The following SEPTIN11 variants were observed in gnomAD, a reference collection of about 807,000 sequenced individuals.
The protein encoded by SEPTIN11 is septin-11.
Under a neutral mutation model 51.4 loss-of-function variants are expected in SEPTIN11, and 25 were observed. That is an observed-to-expected ratio of 0.49 (90% CI 0.35 to 0.68). SEPTIN11 has a LOEUF of 0.68. Ranked by LOEUF, SEPTIN11 falls within the 30% of genes least tolerant of loss-of-function variation. SEPTIN11 has a pLI of 0.00. For missense variants in SEPTIN11, 381 were observed against 520.8 expected, an observed-to-expected ratio of 0.73 and a Z score of 2.61; for synonymous variants, 174 against 184.1, an observed-to-expected ratio of 0.95 and a Z score of 0.44.
At position 76,958,850 on chromosome 4, in the gene SEPTIN11, A is replaced by G. The variant is rs984728295; in HGVS notation, c.27+8920A>G. On this transcript the variant is annotated intron_variant, in intron 1 of 9. Coordinates refer to ENST00000264893, the MANE Select transcript of SEPTIN11 (RefSeq NM_018243.4). ...CAATGGCTGGTTATATTTTCAGAAA[A>G]CATGATTAGACTAATTCATTATGGT... 4.1e-6 allele frequency: 6 copies of G among 1,473,940 alleles called. No individual in the cohort carries two copies. In the African/African-American group the frequency reaches 8.4e-5, roughly 21 times the overall value. The allele number at this position is 1,473,940 out of a possible 1,614,324, so 91.3% of individuals were successfully genotyped here.
chr4:76,952,218 CT>C (rs1477885131), intron 1 of SEPTIN11, among the ~76,000 whole-genome samples: 1 of 152,146 alleles, frequency 6.6e-6, no homozygotes, highest in East Asian at 1.9e-4. Context: ...TACACTGCAC[CT>C]TTAAAGTTAA....
intron 3 of SEPTIN11, among the ~76,000 whole-genome samples, chr4:77,006,056 C>T (rs887972647): frequency 3.3e-5 from 5 of 152,110 alleles, no homozygotes; most frequent in Non-Finnish European, 7.4e-5. Context: ...TAGCTTACAA[C>T]ATCTTTCCAC....
intron 2 of SEPTIN11, among the ~76,000 whole-genome samples, chr4:76,998,361 C>T (rs1192966615): frequency 6.6e-6 from 1 of 152,034 alleles, no homozygotes; most frequent in Non-Finnish European, 1.5e-5. Flanking sequence ...TAGGAAATTG[C>T]TTTTGGTGGC....
In SEPTIN11 at chr4:76,949,899, C is replaced by T; in HGVS notation, c.-5C>T. ...GGCGCAGCCGGAGCCGGTGCCGCAG[C>T]TGCGATGGCCGTGGCCGTGGGGAGA... On this transcript the variant is annotated 5_prime_UTR_variant, in exon 1 of 10. Transcript: ENST00000264893. 4 of 1,530,502 alleles carry T rather than the reference C, an allele frequency of 2.6e-6. No homozygotes were observed. The highest frequency in any genetic ancestry group is 3.5e-6 in the Non-Finnish European group (4 of 1,146,468). 94.8% of individuals were successfully genotyped at this position (1,530,502 alleles called of 1,614,324 possible).
At position 77,035,164 on chromosome 4, in the gene SEPTIN11, T is replaced by C; in HGVS notation, c.*652T>C. 2.0e-6 allele frequency: 2 copies of C among 985,516 alleles called. No individual in the cohort carries two copies. Among genetic ancestry groups the C allele is most frequent in the Non-Finnish European group, 2.4e-6 (2 of 829,970 alleles). The allele number at this position is 985,516 out of a possible 1,614,324, so 61.0% of individuals were successfully genotyped here. A position where few individuals can be genotyped will look rare whatever the true frequency, so the allele number is the denominator to read the frequency against. Reference sequence around the variant, plus strand: ...GCATCTGAATGCCTGCCTTCAATCCTGGCCAAGTTGGAGTAGACTGGTATG... The same window carrying C: ...GCATCTGAATGCCTGCCTTCAATCCCGGCCAAGTTGGAGTAGACTGGTATG... On this transcript the variant is annotated 3_prime_UTR_variant, in exon 10 of 10. Coordinates refer to ENST00000264893, the MANE Select transcript of SEPTIN11 (RefSeq NM_018243.4).
At chr4:76,958,142 C>T (rs149609878) in intron 1 of SEPTIN11, among the ~76,000 whole-genome samples, 3 of 152,338 alleles carry the variant, frequency 2.0e-5, no homozygotes, top group Non-Finnish European at 4.4e-5. Flanking sequence ...TTGTCTAAGA[C>T]GTGTGCCTAC....
At chr4:76,950,841 G>A (rs541784999) in intron 1 of SEPTIN11, among the ~76,000 whole-genome samples, 1 of 152,236 alleles carries the variant, frequency 6.6e-6, no homozygotes, top group Admixed American at 6.5e-5. Context: ...GGCGGCGGCG[G>A]CCTTTCCTTT....
intron 1 of SEPTIN11, among the ~76,000 whole-genome samples, chr4:76,985,958 G>A (rs17002313): frequency 0.011 from 1,617 of 152,314 alleles, 31 homozygotes; most frequent in African/African-American, 0.036. Flanking sequence ...TAGTAGACTG[G>A]TTGTAGTTAT....
Position 77,024,708 on chromosome 4 carries a change from C to T in SEPTIN11, c.954-3921C>T, listed in dbSNP as rs1476038938. On this transcript the variant is annotated intron_variant, in intron 7 of 9. Coordinates refer to ENST00000264893, the MANE Select transcript of SEPTIN11 (RefSeq NM_018243.4). The surrounding 1 kb of genome is among the most constrained non-coding windows in gnomAD (Gnocchi z 4.2). ...TCACTTGTTTTTAGGAGTGCCTGGG[C>T]CTCTGTACACCAGCCATGCAGTGCA... Among the ~76,000 whole-genome samples, 1 of 152,158 alleles carries T rather than the reference C, an allele frequency of 6.6e-6. No individual in the cohort carries two copies. The highest frequency in any genetic ancestry group is 1.5e-5 in the Non-Finnish European group (1 of 68,030).
chr4:77,038,646 A>G, downstream of SEPTIN11: 1 of 994,894 alleles, frequency 1.0e-6, no homozygotes, highest in Non-Finnish European at 1.2e-6. Context: ...AGTTCTTTTT[A>G]GTCACTGCTT....
chr4:77,025,420 G>A (rs148035144), intron 7 of SEPTIN11, among the ~76,000 whole-genome samples: 220 of 152,062 alleles, frequency 1.4e-3, no homozygotes, highest in African/African-American at 5.0e-3. Context: ...ACATGCTTGT[G>A]TTTGGTCCCA....
chr4:76,959,051 A>G, intron 1 of SEPTIN11: 2 of 713,948 alleles, frequency 2.8e-6, no homozygotes, highest in Non-Finnish European at 5.3e-6. Context: ...GGAATGAAAG[A>G]AAGACTTGAT....
At position 76,967,740 on chromosome 4, in the gene SEPTIN11, GT is replaced by G. The variant is rs34274962; in HGVS notation, c.27+17823del. On this transcript the variant is annotated intron_variant, in intron 1 of 9. Coordinates refer to ENST00000264893, the MANE Select transcript of SEPTIN11 (RefSeq NM_018243.4). Reference sequence around the variant, plus strand: ...TATTTGAATAAAGGAACCATTAATAGTTTTTTTTTTTTTGGTATGCCTTTTA... The same window carrying G: ...TATTTGAATAAAGGAACCATTAATAGTTTTTTTTTTTTGGTATGCCTTTTA... Among the ~76,000 whole-genome samples, 254 of 149,150 alleles carry G rather than the reference GT, an allele frequency of 1.7e-3. 1 individual carries two copies. Among genetic ancestry groups the G allele is most frequent in the Middle Eastern group, 3.4e-3 (1 of 292 alleles).
Position 77,019,115 on chromosome 4 carries a change from G to A in SEPTIN11, c.688-50G>A, listed in dbSNP as rs764508640. 2.0e-6 allele frequency: 3 copies of A among 1,536,878 alleles called. No individual in the cohort carries two copies. The South Asian group carries it at 3.5e-5, about 18-fold the overall frequency. ...AGAAGATAGAGACTGGTGGAAACCA[G>A]TCTGTCAGAGCAGGGGAAAGTAACT... On this transcript the variant is annotated intron_variant, in intron 5 of 9. Transcript: ENST00000264893.
chr4:76,989,581 G>A (rs373531685), intron 1 of SEPTIN11, among the ~76,000 whole-genome samples: 3 of 152,148 alleles, frequency 2.0e-5, no homozygotes, highest in Non-Finnish European at 2.9e-5. Flanking sequence ...TGGGCACACC[G>A]AGCTTGTTAA....
chr4:76,949,862 G>A lies in SEPTIN11; in HGVS notation c.-42G>A, dbSNP rs1411665929. On this transcript the variant is annotated 5_prime_UTR_variant, in exon 1 of 10. Coordinates refer to ENST00000264893, the MANE Select transcript of SEPTIN11 (RefSeq NM_018243.4). Reference sequence around the variant, plus strand: ...AGCACTAGCAGCAGCCGGAGTCGGCGTAAAGCACCCGGGCGCAGCCGGAGC... The same window carrying A: ...AGCACTAGCAGCAGCCGGAGTCGGCATAAAGCACCCGGGCGCAGCCGGAGC... 4.0e-6 allele frequency: 6 copies of A among 1,512,670 alleles called. No individual in the cohort carries two copies. The highest frequency in any genetic ancestry group is 5.3e-6 in the Non-Finnish European group (6 of 1,134,838). 93.7% of individuals were successfully genotyped at this position (1,512,670 alleles called of 1,614,324 possible).
chr4:77,036,814 T>C lies in SEPTIN11; in HGVS notation c.*2302T>C, dbSNP rs775418856. On this transcript the variant is annotated 3_prime_UTR_variant, in exon 10 of 10. Transcript: ENST00000264893. ...GAATAAATGATACCCTCAAATCTAA[T>C]TGGATGTGCTTTCGCCTTTGCATGT... 26 of 1,528,128 alleles carry C rather than the reference T, an allele frequency of 1.7e-5. No individual in the cohort carries two copies. Among genetic ancestry groups the C allele is most frequent in the South Asian group, 6.1e-5 (5 of 82,054 alleles). 94.7% of individuals were successfully genotyped at this position (1,528,128 alleles called of 1,614,324 possible).
chr4:77,038,126 C>T lies in SEPTIN11; in HGVS notation c.*3614C>T, dbSNP rs753821647. On this transcript the variant is annotated 3_prime_UTR_variant, in exon 10 of 10. Transcript: ENST00000264893. ...GTCTGGAATTGTCAGGTCTCAGCTTCGAAAAGTCCTGGTTCCACTGACAGG... is the reference window on the plus strand; with the variant it reads ...GTCTGGAATTGTCAGGTCTCAGCTTTGAAAAGTCCTGGTTCCACTGACAGG... The T allele has an allele frequency of 3.1e-4, 307 of 985,726 alleles. No individual in the cohort carries two copies. Among genetic ancestry groups the T allele is most frequent in the Non-Finnish European group, 3.2e-4 (268 of 829,956 alleles). 61.1% of individuals were successfully genotyped at this position (985,726 alleles called of 1,614,324 possible). A position where few individuals can be genotyped will look rare whatever the true frequency, so the allele number is the denominator to read the frequency against.
At chr4:77,030,260 C>T (rs1427130807) in intron 8 of SEPTIN11, among the ~76,000 whole-genome samples, 1 of 152,016 alleles carries the variant, frequency 6.6e-6, no homozygotes, top group African/African-American at 2.4e-5. Flanking sequence ...TTTTTAGTCC[C>T]AAGGAGTTCT....
Sources: allele counts gnomAD v4.1 joint callset (sites outside exome capture counted in the v4.1 genomes callset), GRCh38; gene constraint gnomAD v4.1.1; non-coding constraint Gnocchi (gnomAD v3.1); transcripts MANE v1.5; gene names NCBI Gene and HGNC (gene_info 2026-07-23, HGNC 2026-07-21).